Variants in KDM2B observed in about 807,000 individuals in gnomAD.
KDM2B encodes lysine demethylase 2B, also known as lysine-specific demethylase 2B.
Under a neutral mutation model 150.0 loss-of-function variants are expected in KDM2B, and 26 were observed. That is an observed-to-expected ratio of 0.17 (90% confidence interval 0.13 to 0.24). The LOEUF is 0.24. Ranked by LOEUF, KDM2B falls within the 10% of genes least tolerant of loss-of-function variation. The pLI is 1.00. For missense variants in KDM2B, 1,265 were observed against 1,816.9 expected (o/e 0.70, Z 5.52); for synonymous variants, 734 against 729.5 (o/e 1.01, Z -0.10).
At chr12:121,461,817 G>A (rs953776407) in intron 12 of KDM2B, among the ~76,000 whole-genome samples, 3 of 152,108 alleles carry the variant, frequency 2.0e-5, no homozygotes, top group African/African-American at 7.2e-5. Context: ...ATGTCCAGGG[G>A]GAATGGAAGA....
the KDM2B span, among the ~76,000 whole-genome samples, chr12:121,421,457 G>T: frequency 9.9e-5 from 15 of 151,660 alleles, no homozygotes; most frequent in African/African-American, 3.6e-4. Context: ...GGAGGCTGAG[G>T]GGGGAGGATT....
In KDM2B at chr12:121,442,537, C is replaced by T; in HGVS notation, c.2904G>A (p.Glu968=). 1 of 1,599,826 alleles carries T rather than the reference C, an allele frequency of 6.3e-7. No individual in the cohort carries two copies. Among genetic ancestry groups the T allele is most frequent in the Non-Finnish European group, 8.5e-7 (1 of 1,179,876 alleles). Residue 968 remains glutamate, a synonymous_variant, in exon 19 of 23, where the codon GAG becomes GAA. Coordinates refer to ENST00000377071, the MANE Select transcript of KDM2B (RefSeq NM_032590.5). The surrounding 1 kb of genome is among the most constrained non-coding windows in gnomAD (Gnocchi z 7.7). ...GCTCCGACTTGATGGGCTGCTGGTT[C>T]TCGTTGGCCAGGCTGTTCTCCGTCC... ...IQRTENSLAN[E]NQQPIKSEPE...
In KDM2B at chr12:121,467,619, C is replaced by G. The variant is rs1243099200; in HGVS notation, c.1735-14275G>C. The G allele has an allele frequency of 2.7e-5, 4 of 150,126 alleles. No homozygotes were observed. The highest frequency in any genetic ancestry group is 2.0e-4 in the Admixed American group (3 of 15,104). The allele number at this position is 150,126 out of a possible 1,614,324, so 9.3% of individuals were successfully genotyped here. On this transcript the variant is annotated intron_variant, in intron 12 of 22. Transcript: ENST00000377071. The surrounding 1 kb of genome is among the most constrained non-coding windows in gnomAD (Gnocchi z 5.1). ...GGCGTGCCCCGCGCCCCGCCCGGCC[C>G]GGCCTGGCCCGCGCGCCGCGGGATG... is the stretch of plus-strand genomic sequence containing the variant.
Position 121,544,613 on chromosome 12 carries a change from C to G in KDM2B, c.683+4264G>C, listed in dbSNP as rs557459483. ...CAACACAGTGAGTCTCCGTCCCCCC[C>G]CAAAAAAAGAAAAAATCAGCCAGGT... On this transcript the variant is annotated intron_variant, in intron 6 of 22. Transcript: ENST00000377071. 1.6e-4 allele frequency among the ~76,000 whole-genome samples: 23 copies of G among 145,482 alleles called. No homozygotes were observed. In the East Asian group the frequency reaches 2.1e-3, roughly 13 times the overall value.
At chr12:121,431,861 T>C (rs1555285582) in intron 22 of KDM2B, among the ~76,000 whole-genome samples, 1 of 148,406 alleles carries the variant, frequency 6.7e-6, no homozygotes, top group Non-Finnish European at 1.5e-5. Context: ...CAGGTTTTCA[T>C]GGGTTTTTTT....
intron 12 of KDM2B, among the ~76,000 whole-genome samples, chr12:121,490,203 GGT>G (rs1755346667): frequency 6.6e-6 from 1 of 152,154 alleles, no homozygotes; most frequent in African/African-American, 2.4e-5. Context: ...AGGCATCGAG[GGT>G]GTGTTGCTTC....
At chr12:121,511,257 C>T (rs537138965) in intron 10 of KDM2B, among the ~76,000 whole-genome samples, 1 of 151,196 alleles carries the variant, frequency 6.6e-6, no homozygotes, top group Admixed American at 6.6e-5. Context: ...GATCCACCCG[C>T]CTCGGCCTCC....
intron 17 of KDM2B, chr12:121,443,304 A>C: frequency 3.4e-6 from 2 of 580,008 alleles, no homozygotes; most frequent in East Asian, 2.9e-5. Flanking sequence ...GCCCATTCAA[A>C]TCATCCTCGG....
intron 22 of KDM2B, among the ~76,000 whole-genome samples, chr12:121,435,840 G>A (rs542003197): frequency 3.3e-5 from 5 of 152,222 alleles, no homozygotes; most frequent in Admixed American, 6.5e-5. Context: ...CCAAAGAAAC[G>A]ACACACAGAG....
rs1476902635 is a variant in KDM2B, at chr12:121,430,036, T to C, written c.*252A>G. On this transcript the variant is annotated 3_prime_UTR_variant, in exon 23 of 23. Coordinates refer to ENST00000377071, the MANE Select transcript of KDM2B (RefSeq NM_032590.5). The surrounding 1 kb of genome is among the most constrained non-coding windows in gnomAD (Gnocchi z 4.4). ...TCCACCCTCCTCTCCGACAGGAATGTCTTCTTGTAAAGGCCGCCTTAGAAA... is the reference window on the plus strand; with the variant it reads ...TCCACCCTCCTCTCCGACAGGAATGCCTTCTTGTAAAGGCCGCCTTAGAAA... 8.2e-7 allele frequency: 1 copy of C among 1,214,358 alleles called. No homozygotes were observed. The highest frequency in any genetic ancestry group is 1.5e-5 in the African/African-American group (1 of 67,012). 75.2% of individuals were successfully genotyped at this position (1,214,358 alleles called of 1,614,324 possible).
Position 121,442,335 on chromosome 12 carries a change from T to C in KDM2B, c.3106A>G (p.Ile1036Val). 6.4e-7 allele frequency: 1 copy of C among 1,570,992 alleles called. No individual in the cohort carries two copies. Among genetic ancestry groups the C allele is most frequent in the Non-Finnish European group, 8.7e-7 (1 of 1,155,092 alleles). ...CGGATCACATGGCGCTCCATCTGGA[T>C]ACACTTGGGCGGGGACACGGAGGGT... Reference protein sequence around the residue: ...PPPSVSPPKCIQMERHVIRPP... With the variant: ...PPPSVSPPKCVQMERHVIRPP... The change falls in exon 19 of 23, where the codon ATC (isoleucine) becomes GTC (valine). Residue 1036 changes from isoleucine (I) to valine (V), a missense_variant. By Grantham distance (29) the Ile-to-Val change is conservative. Around this residue, in one of 11 missense-constraint regions of KDM2B, gnomAD observed 418 missense variants for 402.4 expected, o/e 1.04. Coordinates refer to ENST00000377071, the MANE Select transcript of KDM2B (RefSeq NM_032590.5). This position sits in a 1 kb window ranked among gnomAD's most constrained non-coding sequence, Gnocchi z 7.7.
rs376570260 is a variant in KDM2B at position 121,441,131 on chromosome 12, G to A, written c.3387C>T (p.Leu1129=). The A allele has an allele frequency of 2.7e-5, 44 of 1,614,100 alleles. No individual in the cohort carries two copies. The highest frequency in any genetic ancestry group is 1.3e-4 in the African/African-American group (10 of 74,940). ...TGGAGATATTGGTCCAGCTGAGGTC[G>A]AGGGAGACGGGCTGTCGCCGGATGA... ...SGIIRRQPVS[L]DLSWTNISKK... The change falls in exon 20 of 23, where the codon CTC becomes CTT. Residue 1129 remains leucine, a synonymous_variant. Transcript: ENST00000377071.
At position 121,557,207 on chromosome 12, in the gene KDM2B, G is replaced by C. The variant is rs991796404; in HGVS notation, c.398-7569C>G. Among the ~76,000 whole-genome samples the C allele has an allele frequency of 2.2e-4, 33 of 150,492 alleles. 1 individual carries two copies. Among genetic ancestry groups the C allele is most frequent in the Admixed American group, 6.6e-5 (1 of 15,048 alleles). ...GCTAGAATGAGATCATATGGGATTA[G>C]GGTAGGCCTAATAAGACAAGAGAAT... On this transcript the variant is annotated intron_variant, in intron 4 of 22. Transcript: ENST00000377071.
chr12:121,434,709 G>A (rs1555286354), intron 22 of KDM2B, among the ~76,000 whole-genome samples: 1 of 151,568 alleles, frequency 6.6e-6, no homozygotes, highest in Admixed American at 6.6e-5. Context: ...TGTAATCCCA[G>A]CACTTTGGGA....
At chr12:121,557,966 CCTT>C (rs1890026799) in intron 4 of KDM2B, among the ~76,000 whole-genome samples, 1 of 152,192 alleles carries the variant, frequency 6.6e-6, no homozygotes, top group Non-Finnish European at 1.5e-5. Context: ...GGGGCCAACA[CCTT>C]CTATAACGAA....
At chr12:121,539,741 TTGTC>T (rs1250953844) in intron 6 of KDM2B, among the ~76,000 whole-genome samples, 2 of 152,032 alleles carry the variant, frequency 1.3e-5, no homozygotes, top group Non-Finnish European at 2.9e-5. Context: ...GTTTGTTTGT[TTGTC>T]TGTTTGTTTT....
intron 8 of KDM2B, among the ~76,000 whole-genome samples, chr12:121,528,452 A>G (rs1168531293): frequency 1.3e-5 from 2 of 152,036 alleles, no homozygotes; most frequent in Non-Finnish European, 2.9e-5. Flanking sequence ...CCAGCTACTC[A>G]GGAGGCTGAG....
intron 12 of KDM2B, among the ~76,000 whole-genome samples, chr12:121,466,852 C>A (rs1555294903): frequency 6.9e-6 from 1 of 145,814 alleles, no homozygotes; most frequent in African/African-American, 2.5e-5. Context: ...TTGCCCCGGG[C>A]CGTGGCCGGC....
At chr12:121,436,136 AT>A (rs1414135760) in intron 22 of KDM2B, among the ~76,000 whole-genome samples, 1 of 152,262 alleles carries the variant, frequency 6.6e-6, no homozygotes, top group Admixed American at 6.5e-5. Flanking sequence ...AGGTTGAACC[AT>A]ATGAAAATGC....
Sources: allele counts gnomAD v4.1 joint callset (sites outside exome capture counted in the v4.1 genomes callset), GRCh38; gene constraint gnomAD v4.1.1; regional missense constraint gnomAD v4.1.1; non-coding constraint Gnocchi (gnomAD v3.1); transcripts MANE v1.5; gene names NCBI Gene and HGNC (gene_info 2026-07-23, HGNC 2026-07-21).